The following LNX1 variants were observed in gnomAD, a reference collection of about 807,000 sequenced individuals.
LNX1 encodes ligand of numb-protein X 1, also known as E3 ubiquitin-protein ligase LNX.
LNX1 carries 54 observed loss-of-function variants against 68.4 expected under a neutral mutation model. The ratio of observed to expected loss-of-function variants is 0.79; its 90% CI spans 0.63 to 0.99. The LOEUF (loss-of-function observed/expected upper bound fraction) is 0.99, where lower values mean the gene tolerates loss of function less well. LNX1 is among the 50% of genes least tolerant of loss of function. The probability of loss-of-function intolerance (pLI) is 0.00; values close to 1 mark genes in which losing one functional copy is unlikely to be tolerated. For missense variants in LNX1, 906 were observed against 926.4 expected (o/e 0.98, Z 0.29); for synonymous variants, 336 against 350.0 (o/e 0.96, Z 0.45).
At chr4:53,525,108 C>T (rs1727515713) in intron 2 of LNX1, among the ~76,000 whole-genome samples, 1 of 152,142 alleles carries the variant, frequency 6.6e-6, no homozygotes, top group African/African-American at 2.4e-5. Context: ...TCATGCTCCT[C>T]TTTCACTCTC....
At chr4:53,625,059 T>C (rs2668520) in intron 1 of LNX1, among the ~76,000 whole-genome samples, 57,422 of 152,038 alleles carry the variant, frequency 0.38, 10,900 homozygotes, top group Admixed American at 0.41. Context: ...GTAGGCACAT[T>C]GTACATACAG....
intron 1 of LNX1, among the ~76,000 whole-genome samples, chr4:53,632,472 G>C (rs537574807): frequency 2.6e-5 from 4 of 152,142 alleles, no homozygotes; most frequent in African/African-American, 9.7e-5. Flanking sequence ...CAGCCAAGAG[G>C]GTCAGTCAGA....
intron 7 of LNX1, 23 bp downstream of exon 7, chr4:53,481,697 G>A (rs772467797): frequency 1.2e-6 from 2 of 1,603,610 alleles, no homozygotes; most frequent in South Asian, 1.1e-5. Context: ...GCAGGAGCAG[G>A]CGACCTGCCC....
At chr4:53,522,399 C>T (rs1335141671) in intron 2 of LNX1, among the ~76,000 whole-genome samples, 1 of 152,198 alleles carries the variant, frequency 6.6e-6, no homozygotes, top group East Asian at 1.9e-4. Flanking sequence ...AGGCACCAGG[C>T]TTGGTGCTCC....
At chr4:53,469,107 A>G (rs1486302881) in intron 9 of LNX1, among the ~76,000 whole-genome samples, 1 of 152,186 alleles carries the variant, frequency 6.6e-6, no homozygotes, top group East Asian at 1.9e-4. Context: ...ACTCCTCAGC[A>G]AATGTAAAAG....
intron 9 of LNX1, among the ~76,000 whole-genome samples, chr4:53,473,873 T>C (rs1400028635): frequency 6.6e-6 from 1 of 152,126 alleles, no homozygotes; most frequent in Non-Finnish European, 1.5e-5. Flanking sequence ...ACACTAAATA[T>C]ATGAAATATA....
chr4:53,651,920 G>A (rs919322191), intron 1 of LNX1, among the ~76,000 whole-genome samples: 2 of 151,854 alleles, frequency 1.3e-5, no homozygotes, highest in Admixed American at 1.3e-4. Context: ...AAAAAAATAG[G>A]GTATAAAGAG....
chr4:53,581,410 A>AT (rs1341924375), intron 1 of LNX1, among the ~76,000 whole-genome samples: 2 of 152,052 alleles, frequency 1.3e-5, no homozygotes, highest in African/African-American at 4.8e-5. Context: ...CACACTCATC[A>AT]TTTTTTCCAA....
At chr4:53,628,980 A>C (rs1282758503) in intron 1 of LNX1, among the ~76,000 whole-genome samples, 2 of 152,180 alleles carry the variant, frequency 1.3e-5, no homozygotes, top group Non-Finnish European at 2.9e-5. Context: ...TCAGAAGGGA[A>C]AGGGTGAGAG....
intron 8 of LNX1, among the ~76,000 whole-genome samples, chr4:53,477,784 G>A (rs1723659626): frequency 6.6e-6 from 1 of 152,062 alleles, no homozygotes; most frequent in Admixed American, 6.5e-5. Flanking sequence ...AAAGACAGGA[G>A]GAGAAAAAAG....
At chr4:53,520,307 G>C (rs1727119638) in intron 2 of LNX1, among the ~76,000 whole-genome samples, 1 of 152,222 alleles carries the variant, frequency 6.6e-6, no homozygotes, top group Admixed American at 6.5e-5. Flanking sequence ...TGGAGTGCCT[G>C]ATAAATACCA....
intron 1 of LNX1, among the ~76,000 whole-genome samples, chr4:53,583,613 G>C (rs945771620): frequency 4.6e-5 from 7 of 152,128 alleles, no homozygotes; most frequent in African/African-American, 1.7e-4. Flanking sequence ...GAAATTACAG[G>C]AGAATTGAAC....
chr4:53,573,832 T>C lies in LNX1; in HGVS notation c.171A>G (p.Gly57=). The C allele has an allele frequency of 6.2e-7, 1 of 1,613,592 alleles. No individual in the cohort carries two copies. The highest frequency in any genetic ancestry group is 8.5e-7 in the Non-Finnish European group (1 of 1,179,762). ...ALLDPLDTPC[G]HTYCTLCLTN... Reference sequence around the variant, plus strand: ...TGAGGCAGAGGGTGCAGTAGGTGTGTCCACACGGAGTGTCCAGGGGGTCCA... The same window carrying C: ...TGAGGCAGAGGGTGCAGTAGGTGTGCCCACACGGAGTGTCCAGGGGGTCCA... The change falls in exon 2 of 11, where the codon GGA becomes GGG. Residue 57 remains glycine (G), a synonymous_variant. Transcript: ENST00000263925.
intron 2 of LNX1, among the ~76,000 whole-genome samples, chr4:53,533,539 C>T (rs1728164102): frequency 6.6e-6 from 1 of 152,212 alleles, no homozygotes. Context: ...GCTGGGACTA[C>T]AGGCACATGC....
At chr4:53,547,013 G>A (rs1729160699) in intron 2 of LNX1, among the ~76,000 whole-genome samples, 1 of 152,208 alleles carries the variant, frequency 6.6e-6, no homozygotes. Flanking sequence ...TTCAGTGAGA[G>A]GGAGGAAGAG....
intron 2 of LNX1, among the ~76,000 whole-genome samples, chr4:53,551,088 G>A (rs999534978): frequency 6.6e-6 from 1 of 152,154 alleles, no homozygotes. Flanking sequence ...GCGGTTGGTG[G>A]TTGGAATCCT....
At chr4:53,530,199 T>C (rs1188391807) in intron 2 of LNX1, among the ~76,000 whole-genome samples, 5 of 152,206 alleles carry the variant, frequency 3.3e-5, no homozygotes, top group Admixed American at 3.3e-4. Context: ...TTCCCAAACA[T>C]TCGTTAAGAT....
chr4:53,568,162 C>A lies in LNX1; in HGVS notation c.380+5461G>T, dbSNP rs966199829. On this transcript the variant is annotated intron_variant, in intron 2 of 10. Transcript: ENST00000263925. ...CTCATTTTATGAGGCCAGCTTCATT[C>A]TGATACCAAAGCCGGGCAGAGACAC... 1.6e-4 allele frequency among the ~76,000 whole-genome samples: 25 copies of A among 152,102 alleles called. 1 individual carries two copies. Among genetic ancestry groups the A allele is most frequent in the Admixed American group, 9.2e-4 (14 of 15,288 alleles).
At chr4:53,538,449 G>A (rs1728527787) in intron 2 of LNX1, among the ~76,000 whole-genome samples, 1 of 152,018 alleles carries the variant, frequency 6.6e-6, no homozygotes, top group African/African-American at 2.4e-5. Flanking sequence ...AGGCAGGCAT[G>A]AGGGGTGGCA....
Sources: gnomAD v4.1 joint callset for allele counts (sites outside exome capture counted in the v4.1 genomes callset) on GRCh38, gnomAD v4.1.1 for gene constraint, MANE v1.5 for transcripts, NCBI Gene and HGNC (gene_info 2026-07-23, HGNC 2026-07-21) for gene names.